Variants in PCDHA1 observed in about 807,000 individuals in gnomAD.
The protein encoded by PCDHA1 is protocadherin alpha 1, also known as protocadherin alpha-1.
Under a neutral mutation model 61.3 loss-of-function variants are expected in PCDHA1, and 42 were observed. The ratio of observed to expected loss-of-function variants is 0.69; its 90% CI spans 0.54 to 0.89. The LOEUF is 0.89. Among genes scored for constraint, PCDHA1 ranks in the 40% least tolerant of loss-of-function variants. The pLI, the probability that PCDHA1 is intolerant of heterozygous loss-of-function variation, is 0.00. For missense variants in PCDHA1, 1,256 were observed against 1,235.3 expected (o/e 1.02, Z -0.25); for synonymous variants, 610 against 553.8 (o/e 1.10, Z -1.43).
chr5:140,950,323 A>G (rs1400315467), intron 1 of PCDHA1, among the ~76,000 whole-genome samples: 1 of 152,046 alleles, frequency 6.6e-6, no homozygotes, highest in Non-Finnish European at 1.5e-5. Context: ...TAATGCATAT[A>G]TGCTGCAGTG....
chr5:140,946,165 G>C (rs1554217364), intron 1 of PCDHA1, among the ~76,000 whole-genome samples: 1 of 151,838 alleles, frequency 6.6e-6, no homozygotes, highest in Non-Finnish European at 1.5e-5. Context: ...TTAAAAGATG[G>C]GTAAAGGATG....
At chr5:140,823,702 C>G (rs1554129555) in intron 1 of PCDHA1, 1 of 1,613,834 alleles carries the variant, frequency 6.2e-7, no homozygotes, top group Non-Finnish European at 8.5e-7. Context: ...CGAAGCACCG[C>G]GCCACCGCCT....
At position 140,863,735 on chromosome 5, in the gene PCDHA1, C is replaced by T. The variant is rs189909313; in HGVS notation, c.2394+75051C>T. On this transcript the variant is annotated intron_variant, in intron 1 of 3. Transcript: ENST00000504120. ...TGGGGCCGGGTGCGGTAGCTCATGC[C>T]TATTTGTAATCCCGGCACTTTGGGA... The T allele has an allele frequency of 4.8e-3, 1,219 of 255,524 alleles. 5 individuals are homozygous for T. Among genetic ancestry groups the T allele is most frequent in the Non-Finnish European group, 6.2e-3 (808 of 129,746 alleles). The allele number at this position is 255,524 out of a possible 1,614,324, so 15.8% of individuals were successfully genotyped here. A position where few individuals can be genotyped will look rare whatever the true frequency, so the allele number is the denominator to read the frequency against.
intron 1 of PCDHA1, chr5:140,866,016 T>C (rs191505079): frequency 6.6e-6 from 1 of 152,304 alleles, no homozygotes; most frequent in African/African-American, 2.4e-5. Flanking sequence ...ATTTTTTTCT[T>C]GTAAGAGTTC....
At chr5:140,808,724 G>C (rs114390057) in intron 1 of PCDHA1, 3 of 1,612,100 alleles carry the variant, frequency 1.9e-6, no homozygotes, top group Middle Eastern at 2.1e-4. Context: ...GGTGCATGCG[G>C]AGAGCGGCAA....
At chr5:140,921,615 C>A (rs977929420) in intron 1 of PCDHA1, among the ~76,000 whole-genome samples, 13 of 152,090 alleles carry the variant, frequency 8.5e-5, no homozygotes, top group Non-Finnish European at 1.5e-4. Flanking sequence ...AGAAAAATAT[C>A]ATCAGATCAT....
In PCDHA1 at chr5:140,788,515, C is replaced by T; in HGVS notation, c.2225C>T (p.Ser742Phe). ...CCGGGCAAGCCCACTCTGGTGTGCT[C>T]CAGCGCGTTGGGGAGCTGGTCGAAC... ...YVPGKPTLVC[S>F]SALGSWSNSQ... Residue 742 changes from serine (S) to phenylalanine (F), a missense_variant, in exon 1 of 4, where the codon TCC becomes TTC. Transcript: ENST00000504120. The T allele has an allele frequency of 6.2e-7, 1 of 1,614,094 alleles. No individual in the cohort carries two copies. Among genetic ancestry groups the T allele is most frequent in the Non-Finnish European group, 8.5e-7 (1 of 1,179,962 alleles).
At chr5:140,861,115 A>G (rs1466747567) in intron 1 of PCDHA1, 1 of 152,586 alleles carries the variant, frequency 6.6e-6, no homozygotes, top group Non-Finnish European at 1.5e-5. Context: ...AAAACTACAA[A>G]CACCCATTAA....
chr5:140,828,869 A>T, intron 1 of PCDHA1: 1 of 1,614,256 alleles, frequency 6.2e-7, no homozygotes, highest in Non-Finnish European at 8.5e-7. Flanking sequence ...CAACGGAACA[A>T]CAGTTATCAG....
chr5:140,952,546 C>T (rs1449369285), intron 1 of PCDHA1, among the ~76,000 whole-genome samples: 1 of 152,108 alleles, frequency 6.6e-6, no homozygotes, highest in African/African-American at 2.4e-5. Flanking sequence ...CTTCTTTGTC[C>T]ATTTCACTAT....
At chr5:140,983,239 C>A (rs557831259) in intron 3 of PCDHA1, among the ~76,000 whole-genome samples, 53 of 152,294 alleles carry the variant, frequency 3.5e-4, no homozygotes, top group African/African-American at 1.2e-3. Context: ...GGAAAGAGAA[C>A]CTGCTAAGTT....
At chr5:140,924,901 AAAAAT>A (rs10667761) in intron 1 of PCDHA1, among the ~76,000 whole-genome samples, 4,416 of 80,206 alleles carry the variant, frequency 0.055, 204 homozygotes, top group African/African-American at 0.16. Flanking sequence ...TCTCAAAAAA[AAAAAT>A]AAAATAAAAT....
chr5:140,803,505 ATGGCTTTT>A, intron 1 of PCDHA1: 1 of 1,614,250 alleles, frequency 6.2e-7, no homozygotes, highest in Non-Finnish European at 8.5e-7. Context: ...GACCGACCTC[ATGGCTTTT>A]AGCCCTAGCC....
intron 1 of PCDHA1, among the ~76,000 whole-genome samples, chr5:140,975,537 C>T (rs1554236874): frequency 6.6e-6 from 1 of 152,166 alleles, no homozygotes; most frequent in African/African-American, 2.4e-5. Context: ...ATTCTTAATA[C>T]AGTCCTATTA....
Position 140,968,974 on chromosome 5 carries a change from G to A in PCDHA1, c.2395-9975G>A, listed in dbSNP as rs17119326. 3.9e-3 allele frequency: 6,227 copies of A among 1,614,174 alleles called. 151 individuals carry two copies. The African/African-American group carries it at 0.06, about 16-fold the overall frequency. On this transcript the variant is annotated intron_variant, in intron 1 of 3. Coordinates refer to ENST00000504120, the MANE Select transcript of PCDHA1 (RefSeq NM_018900.4). Reference sequence around the variant, plus strand: ...TCATCAAGTGCTACCGCTACACTGCGTATGGCACTGCATGCTGTGGAGGCT... The same window carrying A: ...TCATCAAGTGCTACCGCTACACTGCATATGGCACTGCATGCTGTGGAGGCT...
intron 1 of PCDHA1, among the ~76,000 whole-genome samples, chr5:140,964,434 G>A (rs1332567720): frequency 6.6e-6 from 1 of 152,104 alleles, no homozygotes; most frequent in Non-Finnish European, 1.5e-5. Context: ...AAATTACCAA[G>A]CCTCTGCCAC....
At chr5:140,856,513 C>A (rs17844340) in intron 1 of PCDHA1, 3 of 1,598,242 alleles carry the variant, frequency 1.9e-6, no homozygotes, top group Non-Finnish European at 2.6e-6. Flanking sequence ...CACTAGAAGG[C>A]GCATCTGATG....
intron 1 of PCDHA1, chr5:140,803,697 C>T (rs1763265510): frequency 1.3e-6 from 2 of 1,533,220 alleles, no homozygotes; most frequent in African/African-American, 2.8e-5. Flanking sequence ...TTATGTGATT[C>T]ATAATTAGAC....
At chr5:140,897,591 T>C (rs542451957) in intron 1 of PCDHA1, among the ~76,000 whole-genome samples, 1 of 152,312 alleles carries the variant, frequency 6.6e-6, no homozygotes, top group African/African-American at 2.4e-5. Flanking sequence ...TCTGTCATTG[T>C]TGGACATTTG....
Sources: gnomAD v4.1 joint callset for allele counts (sites outside exome capture counted in the v4.1 genomes callset) on GRCh38, gnomAD v4.1.1 for gene constraint, MANE v1.5 for transcripts, NCBI Gene and HGNC (gene_info 2026-07-23, HGNC 2026-07-21) for gene names.